HDAC3: variants seen among roughly 807,000 people sequenced by gnomAD.
The protein encoded by HDAC3 is histone deacetylase 3.
Under a neutral mutation model 62.3 loss-of-function variants are expected in HDAC3, and 21 were observed. The observed-to-expected ratio is 0.34, with a 90% confidence interval of 0.24 to 0.49. The LOEUF (loss-of-function observed/expected upper bound fraction) is 0.49. Among genes scored for constraint, HDAC3 ranks in the 20% least tolerant of loss-of-function variants. The pLI is 0.99. For missense variants in HDAC3, 270 were observed against 556.9 expected (o/e 0.48, Z 5.19); for synonymous variants, 198 against 206.5 (o/e 0.96, Z 0.35).
rs2099903705 is a variant in HDAC3 at position 141,621,546 on chromosome 5, C to A, written c.1218-9G>T. ...CATTGGGTGCCTCTGGCCTGCAAAG[C>A]AAGGGGAGAGAGGTCAGGATCTCAC... On this transcript the variant is annotated splice_polypyrimidine_tract_variant and intron_variant, in intron 14 of 14. Transcript: ENST00000305264. The A allele has an allele frequency of 1.9e-6, 3 of 1,611,740 alleles. No individual in the cohort carries two copies. The highest frequency in any genetic ancestry group is 2.5e-6 in the Non-Finnish European group (3 of 1,177,978).
At chr5:141,631,398 A>C (rs746074066) in intron 3 of HDAC3, among the ~76,000 whole-genome samples, 1 of 152,242 alleles carries the variant, frequency 6.6e-6, no homozygotes, top group Non-Finnish European at 1.5e-5. Flanking sequence ...CTCCAGGAAA[A>C]ACAAAAAGCT....
chr5:141,621,813 C>T (rs2099903744), intron 14 of HDAC3, among the ~76,000 whole-genome samples: 1 of 152,018 alleles, frequency 6.6e-6, no homozygotes, highest in Admixed American at 6.5e-5. Context: ...TAGTAACTAA[C>T]AAAGTAAATA....
At chr5:141,627,403 C>T (rs920838024) in intron 10 of HDAC3, among the ~76,000 whole-genome samples, 2 of 152,098 alleles carry the variant, frequency 1.3e-5, no homozygotes, top group African/African-American at 4.8e-5. Flanking sequence ...GGGCCTTTGT[C>T]CATGCTTGGG....
Position 141,626,765 on chromosome 5 carries a change from T to C in HDAC3, c.831-482A>G, listed in dbSNP as rs1243798007. ...CTCAAAAAAGAAAAAAAAAAACATA[T>C]ATATGTGTGTGTGTGTGTGTATATA... On this transcript the variant is annotated intron_variant, in intron 10 of 14. Coordinates refer to ENST00000305264, the MANE Select transcript of HDAC3 (RefSeq NM_003883.4). The surrounding 1 kb of genome is among the most constrained non-coding windows in gnomAD (Gnocchi z 4.6). 2.4e-5 allele frequency among the ~76,000 whole-genome samples: 3 copies of C among 126,172 alleles called. No individual in the cohort carries two copies. The highest frequency in any genetic ancestry group is 7.8e-5 in the Admixed American group (1 of 12,786). The allele number at this position is 126,172 out of a possible 152,430, so 82.8% of individuals were successfully genotyped here.
Position 141,629,983 on chromosome 5 carries a change from G to T in HDAC3, c.363+61C>A. ...CCTCAAGCTGGGAGCCCAGGATCAG[G>T]GTTAAATCCCGAGTCCAGGGATCCA... On this transcript the variant is annotated intron_variant, in intron 4 of 14. Coordinates refer to ENST00000305264, the MANE Select transcript of HDAC3 (RefSeq NM_003883.4). This position sits in a 1 kb window ranked among gnomAD's most constrained non-coding sequence, Gnocchi z 5.3. 1 of 1,612,814 alleles carries T rather than the reference G, an allele frequency of 6.2e-7. No individual in the cohort carries two copies. The highest frequency in any genetic ancestry group is 1.1e-5 in the South Asian group (1 of 91,050).
intron 3 of HDAC3, among the ~76,000 whole-genome samples, chr5:141,633,721 G>A (rs999468022): frequency 7.9e-5 from 12 of 151,462 alleles, no homozygotes; most frequent in Non-Finnish European, 1.5e-4. Flanking sequence ...AGCTACTCGG[G>A]AGTCTGAGGC....
chr5:141,632,011 A>G (rs1171783764), intron 3 of HDAC3, among the ~76,000 whole-genome samples: 2 of 149,846 alleles, frequency 1.3e-5, no homozygotes, highest in Non-Finnish European at 1.5e-5. Context: ...TGAAAAGGAG[A>G]GGTCTGGAAT....
intron 2 of HDAC3, 149 bp downstream of exon 2, chr5:141,636,399 T>G (rs1183169599): frequency 1.4e-6 from 1 of 700,838 alleles, no homozygotes; most frequent in Non-Finnish European, 2.6e-6. Context: ...CCCAACACCC[T>G]GCACTTTCAA....
At position 141,629,826 on chromosome 5, in the gene HDAC3, T is replaced by C. The variant is rs1270128858; in HGVS notation, c.420+34A>G. On this transcript the variant is annotated intron_variant, in intron 5 of 14. Coordinates refer to ENST00000305264, the MANE Select transcript of HDAC3 (RefSeq NM_003883.4). The surrounding 1 kb of genome is among the most constrained non-coding windows in gnomAD (Gnocchi z 5.3). Reference sequence around the variant, plus strand: ...ATCATCCTAAACACCTACCCTAGGATGGCCACTGTCTTTCCCATCACCTCC... The same window carrying C: ...ATCATCCTAAACACCTACCCTAGGACGGCCACTGTCTTTCCCATCACCTCC... 1.9e-6 allele frequency: 3 copies of C among 1,613,500 alleles called. No individual in the cohort carries two copies. In the Admixed American group the frequency reaches 5.0e-5, roughly 27 times the overall value.
intron 2 of HDAC3, among the ~76,000 whole-genome samples, chr5:141,635,621 T>C (rs1433087513): frequency 6.6e-6 from 1 of 152,256 alleles, no homozygotes; most frequent in Non-Finnish European, 1.5e-5. Context: ...CTGTTTTGTC[T>C]TATTTTTTCT....
At chr5:141,632,020 ATTT>A (rs376573720) in intron 3 of HDAC3, among the ~76,000 whole-genome samples, 14 of 136,940 alleles carry the variant, frequency 1.0e-4, no homozygotes, top group Non-Finnish European at 1.1e-4. Flanking sequence ...GAGGTCTGGA[ATTT>A]TTTTTTTTTT....
chr5:141,634,882 C>T lies in HDAC3; in HGVS notation c.210G>A (p.Leu70=), dbSNP rs1031445624. The T allele has an allele frequency of 1.9e-6, 3 of 1,613,996 alleles. No homozygotes were observed. The highest frequency in any genetic ancestry group is 2.7e-5 in the African/African-American group (2 of 74,916). The change falls in exon 3 of 15, where the codon CTG becomes CTA. Residue 70 remains leucine (L), a synonymous_variant. Coordinates refer to ENST00000305264, the MANE Select transcript of HDAC3 (RefSeq NM_003883.4). ...RFHSEDYIDF[L]QRVSPTNMQG... is the part of the protein sequence containing the mutation. ...GCATATTGGTGGGGCTGACTCTCTG[C>T]AGGAAGTCAATGTAGTCCTCGGAGT...
intron 3 of HDAC3, among the ~76,000 whole-genome samples, chr5:141,631,004 C>G (rs886307971): frequency 3.3e-5 from 5 of 151,968 alleles, no homozygotes; most frequent in African/African-American, 1.2e-4. Flanking sequence ...TTGATATATT[C>G]TATCAAACCT....
intron 2 of HDAC3, 81 bp downstream of exon 2, chr5:141,636,467 A>G: frequency 7.8e-7 from 1 of 1,282,406 alleles, no homozygotes; most frequent in South Asian, 1.2e-5. Context: ...GTCGCACTTC[A>G]TGCACTCAGT....
intron 2 of HDAC3, 64 bp from the exon 3 acceptor site, chr5:141,635,017 C>G: frequency 6.5e-7 from 1 of 1,546,136 alleles, no homozygotes; most frequent in Non-Finnish European, 8.8e-7. Flanking sequence ...CTCAGACCAC[C>G]CATACTGAAC....
chr5:141,625,709 G>A lies in HDAC3; in HGVS notation c.1035C>T (p.Arg345=). The A allele has an allele frequency of 6.2e-7, 1 of 1,614,194 alleles. No homozygotes were observed. The highest frequency in any genetic ancestry group is 1.3e-5 in the African/African-American group (1 of 75,052). Residue 345 remains arginine (R), a synonymous_variant, in exon 13 of 15, where the codon CGC becomes CGT. Coordinates refer to ENST00000305264, the MANE Select transcript of HDAC3 (RefSeq NM_003883.4). The surrounding 1 kb of genome is among the most constrained non-coding windows in gnomAD (Gnocchi z 4.0). ...DFTLHPDVST[R]IENQNSRQYL... ...CCTGGCGTGAGTTCTGATTCTCGATGCGGGTGCTGACATCTGGATGAAGTG... is the reference window on the plus strand; with the variant it reads ...CCTGGCGTGAGTTCTGATTCTCGATACGGGTGCTGACATCTGGATGAAGTG...
chr5:141,624,592 C>A (rs1317779460), intron 14 of HDAC3, among the ~76,000 whole-genome samples: 1 of 150,924 alleles, frequency 6.6e-6, no homozygotes. Flanking sequence ...ATGCACACAG[C>A]CTTTGACCTA....
Position 141,626,401 on chromosome 5 carries a change from G to A in HDAC3, c.831-118C>T. ...TATAAATGTTCTAAATCTTTATCTT[G>A]ATAGTGAAATTCATTATGTTATACC... On this transcript the variant is annotated intron_variant, in intron 10 of 14. Coordinates refer to ENST00000305264, the MANE Select transcript of HDAC3 (RefSeq NM_003883.4). This position sits in a 1 kb window ranked among gnomAD's most constrained non-coding sequence, Gnocchi z 4.6. The A allele has an allele frequency of 1.3e-6, 1 of 743,802 alleles. No homozygotes were observed. Among genetic ancestry groups the A allele is most frequent in the Non-Finnish European group, 2.3e-6 (1 of 431,568 alleles). The allele number at this position is 743,802 out of a possible 1,614,324, so 46.1% of individuals were successfully genotyped here.
In HDAC3 at chr5:141,625,631, C is replaced by T; in HGVS notation, c.1059+54G>A. ...CCTACTTCCCACATCTTTGACCTCT[C>T]CTGGGCTCCACCTTTCAGGAGAAGT... On this transcript the variant is annotated intron_variant, in intron 13 of 14. Coordinates refer to ENST00000305264, the MANE Select transcript of HDAC3 (RefSeq NM_003883.4). The surrounding 1 kb of genome is among the most constrained non-coding windows in gnomAD (Gnocchi z 4.0). The T allele has an allele frequency of 6.5e-7, 1 of 1,550,244 alleles. No homozygotes were observed. Among genetic ancestry groups the T allele is most frequent in the Non-Finnish European group, 8.9e-7 (1 of 1,121,820 alleles).
Sources: gnomAD v4.1 joint callset for allele counts (sites outside exome capture counted in the v4.1 genomes callset) on GRCh38, gnomAD v4.1.1 for gene constraint, Gnocchi (gnomAD v3.1) non-coding constraint, MANE v1.5 for transcripts, NCBI Gene and HGNC (gene_info 2026-07-23, HGNC 2026-07-21) for gene names.